The following MYO6 variants were observed in gnomAD, a reference collection of about 807,000 sequenced individuals.
MYO6 encodes the protein unconventional myosin-VI.
In MYO6, 74 loss-of-function variants were observed where a neutral mutation model predicts 178.7. That is an observed-to-expected ratio of 0.41 (90% CI 0.34 to 0.50). The LOEUF (loss-of-function observed/expected upper bound fraction) is 0.50, where lower values mean the gene tolerates loss of function less well. Among genes scored for constraint, MYO6 ranks in the 20% least tolerant of loss-of-function variants. The pLI is 0.09. For missense variants in MYO6, 1,330 were observed against 1,547.4 expected, an observed-to-expected ratio of 0.86 and a Z score of 2.36; for synonymous variants, 477 against 504.6, an observed-to-expected ratio of 0.95 and a Z score of 0.73.
At chr6:75,895,023 C>T (rs888169251) in intron 28 of MYO6, among the ~76,000 whole-genome samples, 2 of 152,132 alleles carry the variant, frequency 1.3e-5, no homozygotes, top group African/African-American at 4.8e-5. Flanking sequence ...TGTATTTGCT[C>T]TTTAATTTTC....
At chr6:75,802,610 A>G (rs1769597889) in intron 1 of MYO6, among the ~76,000 whole-genome samples, 1 of 150,512 alleles carries the variant, frequency 6.6e-6, no homozygotes, top group Admixed American at 6.6e-5. Context: ...GCCTCCCACC[A>G]CGCCAGCTGG....
chr6:75,758,774 C>A (rs1020473598), intron 1 of MYO6, among the ~76,000 whole-genome samples: 5 of 151,996 alleles, frequency 3.3e-5, no homozygotes, highest in African/African-American at 1.2e-4. Context: ...AGCTTTTTAA[C>A]TAGCTTCATT....
chr6:75,906,220 G>T (rs968817373), intron 30 of MYO6, among the ~76,000 whole-genome samples: 4 of 134,394 alleles, frequency 3.0e-5, no homozygotes, highest in African/African-American at 1.0e-4. Context: ...CTTGAAATGT[G>T]ATGTATTTAA....
chr6:75,836,417 C>T (rs1773649244), intron 7 of MYO6, among the ~76,000 whole-genome samples: 1 of 152,088 alleles, frequency 6.6e-6, no homozygotes. Context: ...AGAAAGTCTT[C>T]TTGTACCTCA....
At chr6:75,751,410 A>G (rs867477076) in intron 1 of MYO6, among the ~76,000 whole-genome samples, 1 of 152,212 alleles carries the variant, frequency 6.6e-6, no homozygotes, top group African/African-American at 2.4e-5. Context: ...TAAAAACTGT[A>G]TAATATATAA....
At chr6:75,871,150 T>A (rs1777109405) in intron 19 of MYO6, among the ~76,000 whole-genome samples, 3 of 152,208 alleles carry the variant, frequency 2.0e-5, no homozygotes, top group African/African-American at 7.2e-5. Flanking sequence ...TTTTCTTAAA[T>A]GAGAAAAACA....
At chr6:75,801,878 T>C (rs954031346) in intron 1 of MYO6, among the ~76,000 whole-genome samples, 38 of 151,858 alleles carry the variant, frequency 2.5e-4, no homozygotes, top group African/African-American at 8.9e-4. Context: ...AAGGTGGAGG[T>C]TGCAGTGAGC....
chr6:75,789,519 A>C (rs952127976), intron 1 of MYO6, among the ~76,000 whole-genome samples: 1 of 151,944 alleles, frequency 6.6e-6, no homozygotes, highest in Non-Finnish European at 1.5e-5. Flanking sequence ...ATTTATTTCC[A>C]AGTTTTTTTC....
chr6:75,840,615 C>T lies in MYO6; in HGVS notation c.584C>T (p.Ala195Val). The change falls in exon 8 of 35, where the codon GCG becomes GTG. Residue 195 changes from alanine to valine, a missense_variant. This residue lies in a region of MYO6 where 613 missense variants were observed against 816.8 expected (regional missense o/e 0.75). Coordinates refer to ENST00000369977, the MANE Select transcript of MYO6 (RefSeq NM_004999.4). ...ANPLLEAFGNAKTVRNNNSSR... is the reference protein window; with the variant it reads ...ANPLLEAFGNVKTVRNNNSSR... The stretch of plus-strand genomic sequence containing the variant: ...CCACTCCTAGAAGCCTTTGGAAATG[C>T]GAAGACTGTTCGCAACAATAATAGC... 1.2e-6 allele frequency: 2 copies of T among 1,613,702 alleles called. No individual in the cohort carries two copies. The highest frequency in any genetic ancestry group is 2.2e-5 in the East Asian group (1 of 44,854).
intron 20 of MYO6, among the ~76,000 whole-genome samples, chr6:75,877,964 T>C (rs992692569): frequency 2.6e-5 from 4 of 152,194 alleles, no homozygotes; most frequent in African/African-American, 9.7e-5. Context: ...AAGGTACTTG[T>C]TTATTTGATA....
At chr6:75,902,976 G>C (rs1388755311) in intron 30 of MYO6, among the ~76,000 whole-genome samples, 1 of 151,390 alleles carries the variant, frequency 6.6e-6, no homozygotes, top group Admixed American at 6.6e-5. Context: ...CCTTCATTTT[G>C]TTATGTACCC....
chr6:75,769,107 G>A (rs1006191605), intron 1 of MYO6, among the ~76,000 whole-genome samples: 3 of 152,150 alleles, frequency 2.0e-5, no homozygotes, highest in African/African-American at 7.2e-5. Context: ...CATTCATGAG[G>A]GATCTGCCTG....
intron 30 of MYO6, among the ~76,000 whole-genome samples, chr6:75,902,645 T>C (rs889737293): frequency 4.6e-5 from 7 of 152,292 alleles, no homozygotes; most frequent in Admixed American, 3.3e-4. Flanking sequence ...GCTAGCGGTC[T>C]ATCAATTTTG....
At chr6:75,819,002 A>G (rs1771582269) in intron 2 of MYO6, among the ~76,000 whole-genome samples, 1 of 152,196 alleles carries the variant, frequency 6.6e-6, no homozygotes, top group East Asian at 1.9e-4. Flanking sequence ...TATAGTTGTT[A>G]TGTATATTTT....
intron 1 of MYO6, among the ~76,000 whole-genome samples, chr6:75,762,431 C>G (rs1778034457): frequency 6.6e-6 from 1 of 152,194 alleles, no homozygotes; most frequent in African/African-American, 2.4e-5. Context: ...AAAGATGCTT[C>G]CAGGTGGTCT....
At chr6:75,757,017 GTATACACACATATATAGTGTGTA>G (rs1777462231) in intron 1 of MYO6, among the ~76,000 whole-genome samples, 1 of 134,782 alleles carries the variant, frequency 7.4e-6, no homozygotes, top group South Asian at 2.4e-4. Flanking sequence ...GTGTATATAT[GTATACACACATATATAGTGTGTA>G]TATATGTGTA....
At chr6:75,897,061 A>C (rs1408725937) in intron 29 of MYO6, among the ~76,000 whole-genome samples, 1 of 152,204 alleles carries the variant, frequency 6.6e-6, no homozygotes, top group African/African-American at 2.4e-5. Context: ...TTGTAGTGTC[A>C]GAGCATGCAG....
rs746366118 is a variant in MYO6, at chr6:75,841,347, A to G, written c.785A>G (p.Lys262Arg). Reference sequence around the variant, plus strand: ...GGTGCTTCTGAAGATATTAGAGAAAAACTTCATTTGAGTTCACCAGATAAT... The same window carrying G: ...GGTGCTTCTGAAGATATTAGAGAAAGACTTCATTTGAGTTCACCAGATAAT... The part of the protein sequence containing the change: ...CAGASEDIRE[K>R]LHLSSPDNFR... The change falls in exon 9 of 35, where the codon AAA (lysine) becomes AGA (arginine). Residue 262 changes from lysine (K) to arginine (R), a missense_variant. Transcript: ENST00000369977. 4 of 1,613,858 alleles carry G rather than the reference A, an allele frequency of 2.5e-6. No homozygotes were observed. The Admixed American group carries it at 6.7e-5, about 27-fold the overall frequency.
Position 75,892,828 on chromosome 6 carries a change from A to C in MYO6, c.3107+138A>C, listed in dbSNP as rs890224449. On this transcript the variant is annotated intron_variant, in intron 28 of 34. Transcript: ENST00000369977. ...ATATATTTGAGCTAAAATAATTTTA[A>C]AATTATTTGTATCGACTTTCATACT... is the stretch of plus-strand genomic sequence containing the variant. 3.4e-6 allele frequency: 3 copies of C among 885,568 alleles called. No individual in the cohort carries two copies. In the African/African-American group the frequency reaches 5.1e-5, roughly 15 times the overall value. The allele number at this position is 885,568 out of a possible 1,614,324, so 54.9% of individuals were successfully genotyped here. A position where few individuals can be genotyped will look rare whatever the true frequency, so the allele number is the denominator to read the frequency against.
Sources: allele counts gnomAD v4.1 joint callset (sites outside exome capture counted in the v4.1 genomes callset), GRCh38; gene constraint gnomAD v4.1.1; regional missense constraint gnomAD v4.1.1; transcripts MANE v1.5; gene names NCBI Gene and HGNC (gene_info 2026-07-23, HGNC 2026-07-21).